Variants in NT5DC1 observed in about 807,000 individuals in gnomAD.
The protein encoded by NT5DC1 is 5'-nucleotidase domain-containing protein 1.
NT5DC1 carries 42 observed loss-of-function variants against 59.4 expected under a neutral mutation model. That is an observed-to-expected ratio of 0.71 (90% CI 0.55 to 0.92). The LOEUF (loss-of-function observed/expected upper bound fraction) is 0.92. Among genes scored for constraint, NT5DC1 ranks in the 40% least tolerant of loss-of-function variants. The pLI, the probability that NT5DC1 is intolerant of heterozygous loss-of-function variation, is 0.00. For missense variants in NT5DC1, 501 were observed against 537.1 expected, an observed-to-expected ratio of 0.93 and a Z score of 0.66; for synonymous variants, 172 against 188.1, an observed-to-expected ratio of 0.91 and a Z score of 0.70.
intron 11 of NT5DC1, among the ~76,000 whole-genome samples, chr6:116,241,470 C>T (rs1181392485): frequency 6.6e-6 from 1 of 152,030 alleles, no homozygotes; most frequent in African/African-American, 2.4e-5. Context: ...TAGAATTAAA[C>T]AATTAAGGAT....
At chr6:116,124,974 A>G (rs978615272) in intron 6 of NT5DC1, among the ~76,000 whole-genome samples, 4 of 152,176 alleles carry the variant, frequency 2.6e-5, no homozygotes, top group African/African-American at 9.7e-5. Context: ...CCTTCTTTAT[A>G]CAATTGGCAG....
chr6:116,185,016 C>G (rs752448312), intron 6 of NT5DC1, among the ~76,000 whole-genome samples: 18 of 151,918 alleles, frequency 1.2e-4, no homozygotes, highest in Non-Finnish European at 2.4e-4. Flanking sequence ...GAACTTCCCT[C>G]TTAGCACTGC....
At chr6:116,103,579 G>A (rs1330693390) in intron 1 of NT5DC1, among the ~76,000 whole-genome samples, 7 of 152,112 alleles carry the variant, frequency 4.6e-5, no homozygotes, top group Admixed American at 2.6e-4. Flanking sequence ...CAACAGCACC[G>A]GGAACTGCTG....
chr6:116,144,087 T>C (rs1779832603), intron 6 of NT5DC1, among the ~76,000 whole-genome samples: 1 of 152,194 alleles, frequency 6.6e-6, no homozygotes, highest in Non-Finnish European at 1.5e-5. Flanking sequence ...TATTCAGAGT[T>C]CATGTATTGG....
chr6:116,134,370 C>CT (rs1307547253), intron 6 of NT5DC1, among the ~76,000 whole-genome samples: 3 of 152,176 alleles, frequency 2.0e-5, no homozygotes, highest in African/African-American at 7.2e-5. Context: ...CTGTGTGAAT[C>CT]TATCTTCCAA....
In NT5DC1 at chr6:116,223,144, T is replaced by A. The variant is rs1035188894; in HGVS notation, c.802+13T>A. The A allele has an allele frequency of 6.8e-7, 1 of 1,465,888 alleles. No homozygotes were observed. The highest frequency in any genetic ancestry group is 1.4e-5 in the African/African-American group (1 of 71,874). 90.8% of individuals were successfully genotyped at this position (1,465,888 alleles called of 1,614,324 possible). On this transcript the variant is annotated intron_variant, in intron 8 of 11. Coordinates refer to ENST00000319550, the MANE Select transcript of NT5DC1 (RefSeq NM_152729.3). ...TTCCGGACACTCGGTAAGTTACATT[T>A]GGTTTCTTTCTTTTCCTGTATACAG...
At chr6:116,205,929 A>G (rs1333445779) in intron 6 of NT5DC1, among the ~76,000 whole-genome samples, 1 of 151,884 alleles carries the variant, frequency 6.6e-6, no homozygotes, top group Admixed American at 6.6e-5. Context: ...GCACAATGAG[A>G]TTAGGTTTTG....
chr6:116,125,599 T>TA, intron 6 of NT5DC1: 2 of 1,152,404 alleles, frequency 1.7e-6, no homozygotes, highest in Non-Finnish European at 1.3e-6. Context: ...TATACAGTTA[T>TA]CTACTTTTTT....
At chr6:116,120,885 C>A in intron 6 of NT5DC1, 1 of 1,613,908 alleles carries the variant, frequency 6.2e-7, no homozygotes, top group Non-Finnish European at 8.5e-7. Flanking sequence ...ACTCCAGGAT[C>A]ACCTTTTGGA....
At position 116,231,148 on chromosome 6, in the gene NT5DC1, T is replaced by TCTC. The variant is rs111967257; in HGVS notation, c.803-5817_803-5816insTCC. Among the ~76,000 whole-genome samples, 141 of 116,700 alleles carry TCTC rather than the reference T, an allele frequency of 1.2e-3. 2 individuals are homozygous for TCTC. Among genetic ancestry groups the TCTC allele is most frequent in the Non-Finnish European group, 6.3e-4 (39 of 61,832 alleles). The allele number at this position is 116,700 out of a possible 152,430, so 76.6% of individuals were successfully genotyped here. A position where few individuals can be genotyped will look rare whatever the true frequency, so the allele number is the denominator to read the frequency against. On this transcript the variant is annotated intron_variant, in intron 8 of 11. Coordinates refer to ENST00000319550, the MANE Select transcript of NT5DC1 (RefSeq NM_152729.3). ...AAAAGAACTATGAATGAATGGTAAATCCCCCCCCCAAACCAAAGTAGATAA... is the reference window on the plus strand; with the variant it reads ...AAAAGAACTATGAATGAATGGTAAATCTCCCCCCCCCCAAACCAAAGTAGATAA...
chr6:116,185,390 G>A (rs1780974206), intron 6 of NT5DC1, among the ~76,000 whole-genome samples: 1 of 152,044 alleles, frequency 6.6e-6, no homozygotes, highest in Admixed American at 6.6e-5. Flanking sequence ...TTGTTCTAGG[G>A]TATAGTTTAA....
intron 6 of NT5DC1, among the ~76,000 whole-genome samples, chr6:116,178,096 CGCGCGCGT>C (rs377728096): frequency 0.088 from 9,420 of 107,416 alleles, 384 homozygotes; most frequent in African/African-American, 0.15. Flanking sequence ...TGTGCGCGCG[CGCGCGCGT>C]GCGTGCGTGT....
chr6:116,154,584 G>A (rs1282696714), intron 6 of NT5DC1, among the ~76,000 whole-genome samples: 3 of 152,166 alleles, frequency 2.0e-5, no homozygotes, highest in African/African-American at 4.8e-5. Flanking sequence ...TGCTAGAACA[G>A]TGAGGTGGTG....
At chr6:116,121,079 T>TG in intron 6 of NT5DC1, 3 of 1,613,968 alleles carry the variant, frequency 1.9e-6, no homozygotes, top group Non-Finnish European at 2.5e-6. Context: ...TTTTGGTCCT[T>TG]GGGGTCCCAT....
chr6:116,160,840 G>A (rs1780309292), intron 6 of NT5DC1, among the ~76,000 whole-genome samples: 1 of 151,824 alleles, frequency 6.6e-6, no homozygotes, highest in Non-Finnish European at 1.5e-5. Flanking sequence ...CCCATTACTG[G>A]GTATATACCC....
intron 6 of NT5DC1, among the ~76,000 whole-genome samples, chr6:116,163,141 A>AAAAAAAAATATATATATATATAT (rs761718922): frequency 2.3e-5 from 2 of 88,406 alleles, no homozygotes; most frequent in African/African-American, 1.2e-4. Context: ...AAAAAAAAAA[A>AAAAAAAAATATATATATATATAT]ATATATATAT....
At chr6:116,228,039 A>G (rs1453059871) in intron 8 of NT5DC1, among the ~76,000 whole-genome samples, 1 of 152,162 alleles carries the variant, frequency 6.6e-6, no homozygotes, top group Non-Finnish European at 1.5e-5. Context: ...TAAAAATTTC[A>G]TTTTAACTAG....
At chr6:116,208,845 G>A (rs146366035) in intron 6 of NT5DC1, among the ~76,000 whole-genome samples, 1,771 of 152,098 alleles carry the variant, frequency 0.012, 14 homozygotes, top group Non-Finnish European at 0.018. Context: ...AGAGATGGCA[G>A]AGTAAAGAGA....
chr6:116,158,859 T>G (rs1393937284), intron 6 of NT5DC1: 1 of 152,216 alleles, frequency 6.6e-6, no homozygotes, highest in East Asian at 1.9e-4. Flanking sequence ...TTCTGATTCA[T>G]TTCCAGGAGA....
Sources: gnomAD v4.1 joint callset for allele counts (sites outside exome capture counted in the v4.1 genomes callset) on GRCh38, gnomAD v4.1.1 for gene constraint, MANE v1.5 for transcripts, NCBI Gene and HGNC (gene_info 2026-07-23, HGNC 2026-07-21) for gene names.